The following HSD17B2 variants were observed in gnomAD, a reference collection of about 807,000 sequenced individuals.
The protein encoded by HSD17B2 is 17-beta-hydroxysteroid dehydrogenase type 2.
In HSD17B2, 32 loss-of-function variants were observed where a neutral mutation model predicts 26.9. That is an observed-to-expected ratio of 1.19 (90% confidence interval 0.90 to 1.60). The LOEUF (loss-of-function observed/expected upper bound fraction) is 1.60. Ranked by LOEUF, HSD17B2 falls within the 40% of genes most tolerant of loss-of-function variation. The pLI, the probability that HSD17B2 is intolerant of heterozygous loss-of-function variation, is 0.00. For missense variants in HSD17B2, 613 were observed against 468.6 expected (o/e 1.31, Z -2.85); for synonymous variants, 246 against 186.7 (o/e 1.32, Z -2.59).
intron 1 of HSD17B2, among the ~76,000 whole-genome samples, chr16:82,063,978 G>A (rs907920887): frequency 2.0e-5 from 3 of 152,206 alleles, no homozygotes; most frequent in African/African-American, 4.8e-5. Flanking sequence ...GGGCACCTAT[G>A]AGTCTCATCT....
chr16:82,071,185 G>C (rs1406328439), intron 3 of HSD17B2, 58 bp downstream of exon 3: 1 of 1,542,966 alleles, frequency 6.5e-7, no homozygotes, highest in African/African-American at 1.4e-5. Context: ...ATGGCTCATG[G>C]CATTCTATGT....
chr16:82,090,400 C>A (rs946133673), intron 3 of HSD17B2, among the ~76,000 whole-genome samples: 4 of 138,568 alleles, frequency 2.9e-5, no homozygotes, highest in South Asian at 2.4e-4. Context: ...TCACTACAAC[C>A]TCTGCCCCCT....
intron 1 of HSD17B2, among the ~76,000 whole-genome samples, chr16:82,057,150 G>A (rs931310425): frequency 2.0e-4 from 30 of 151,866 alleles, no homozygotes; most frequent in Non-Finnish European, 4.4e-4. Flanking sequence ...AATGTATAGA[G>A]CTATTCCACC....
intron 1 of HSD17B2, among the ~76,000 whole-genome samples, chr16:82,066,337 G>T (rs140328450): frequency 7.1e-4 from 108 of 152,236 alleles, no homozygotes; most frequent in South Asian, 2.7e-3. Flanking sequence ...AACCAGAGGC[G>T]TTCATCTCAT....
At chr16:82,062,703 A>C (rs1914473556) in intron 1 of HSD17B2, among the ~76,000 whole-genome samples, 1 of 152,266 alleles carries the variant, frequency 6.6e-6, no homozygotes, top group South Asian at 2.1e-4. Flanking sequence ...CATGTGAACT[A>C]GCTGGAACTT....
chr16:82,066,744 T>C (rs1914581903), intron 1 of HSD17B2, among the ~76,000 whole-genome samples: 1 of 152,116 alleles, frequency 6.6e-6, no homozygotes, highest in Non-Finnish European at 1.5e-5. Context: ...TAATTATTAT[T>C]ATACTGCAAA....
chr16:82,071,268 G>T, intron 3 of HSD17B2, 141 bp downstream of exon 3: 1 of 778,728 alleles, frequency 1.3e-6, no homozygotes, highest in Non-Finnish European at 2.3e-6. Context: ...TACCCTGTTG[G>T]TCTTATCACA....
At chr16:82,059,912 T>C (rs1181067993) in intron 1 of HSD17B2, among the ~76,000 whole-genome samples, 1 of 152,098 alleles carries the variant, frequency 6.6e-6, no homozygotes, top group Non-Finnish European at 1.5e-5. Context: ...AATGCATTTG[T>C]TTCCATTAAA....
chr16:82,082,105 C>G (rs561573466), intron 3 of HSD17B2, among the ~76,000 whole-genome samples: 1 of 152,298 alleles, frequency 6.6e-6, no homozygotes, highest in Admixed American at 6.5e-5. Context: ...CTTGCAGCCT[C>G]TACTTCTTGG....
At chr16:82,043,791 T>G (rs534516125) in intron 1 of HSD17B2, among the ~76,000 whole-genome samples, 1 of 149,730 alleles carries the variant, frequency 6.7e-6, no homozygotes, top group South Asian at 2.2e-4. Context: ...TCCCATTTCA[T>G]CCACTGGGGT....
intron 1 of HSD17B2, among the ~76,000 whole-genome samples, chr16:82,042,337 C>T (rs779602287): frequency 2.4e-4 from 37 of 151,968 alleles, no homozygotes; most frequent in Non-Finnish European, 4.7e-4. Context: ...GCGTGAGCCA[C>T]CACGCCCAGC....
At chr16:82,081,501 G>C (rs572302889) in intron 3 of HSD17B2, among the ~76,000 whole-genome samples, 1 of 152,236 alleles carries the variant, frequency 6.6e-6, no homozygotes, top group South Asian at 2.1e-4. Context: ...TCACTGCCTG[G>C]TTGGGTGACA....
intron 2 of HSD17B2, chr16:82,070,665 T>C: frequency 2.2e-6 from 1 of 445,148 alleles, no homozygotes. Flanking sequence ...AACCCTTAAT[T>C]TGCAATACCT....
In HSD17B2 at chr16:82,061,456, G is replaced by A. The variant is rs146002419; in HGVS notation, c.266-6714G>A. Among the ~76,000 whole-genome samples the A allele has an allele frequency of 1.6e-4, 25 of 152,296 alleles. No individual in the cohort carries two copies. The East Asian group carries it at 3.9e-3, about 23-fold the overall frequency. On this transcript the variant is annotated intron_variant, in intron 1 of 4. Transcript: ENST00000199936. ...GTTAAGTGACAGCCAAAGTCACACA[G>A]CTGTTAAGTGACAGAGCTGGGATTT...
intron 1 of HSD17B2, chr16:82,056,597 T>C (rs1567582343): frequency 1.3e-5 from 2 of 152,216 alleles, no homozygotes; most frequent in Non-Finnish European, 2.9e-5. Context: ...ACAAGGGAGA[T>C]CTCTGGTGAG....
chr16:82,043,417 G>A lies in HSD17B2; in HGVS notation c.265+7728G>A, dbSNP rs1014024474. Among the ~76,000 whole-genome samples, 3 of 124,356 alleles carry A rather than the reference G, an allele frequency of 2.4e-5. 1 individual carries two copies. Among genetic ancestry groups the A allele is most frequent in the African/African-American group, 1.3e-4 (2 of 15,778 alleles). 81.6% of individuals were successfully genotyped at this position (124,356 alleles called of 152,430 possible). A position where few individuals can be genotyped will look rare whatever the true frequency, so the allele number is the denominator to read the frequency against. ...ATCATATAGATGGCCGGGCGCGGTGGCTCATGCCTGTAATCCCAGCACTTT... is the reference window on the plus strand; with the variant it reads ...ATCATATAGATGGCCGGGCGCGGTGACTCATGCCTGTAATCCCAGCACTTT... On this transcript the variant is annotated intron_variant, in intron 1 of 4. Coordinates refer to ENST00000199936, the MANE Select transcript of HSD17B2 (RefSeq NM_002153.3).
At chr16:82,052,742 C>G (rs1303318293) in intron 1 of HSD17B2, among the ~76,000 whole-genome samples, 1 of 152,218 alleles carries the variant, frequency 6.6e-6, no homozygotes, top group Non-Finnish European at 1.5e-5. Context: ...GGGCAGTCTA[C>G]TGAAGATCAC....
chr16:82,076,111 C>T (rs1041315282), intron 3 of HSD17B2, among the ~76,000 whole-genome samples: 1 of 151,998 alleles, frequency 6.6e-6, no homozygotes, highest in Non-Finnish European at 1.5e-5. Flanking sequence ...ATAATCTCAA[C>T]AGAATGAAGG....
Position 82,035,619 on chromosome 16 carries a change from C to A in HSD17B2, c.195C>A (p.Cys65Ter). 1.2e-6 allele frequency: 2 copies of A among 1,613,940 alleles called. No homozygotes were observed. The highest frequency in any genetic ancestry group is 1.7e-6 in the Non-Finnish European group (2 of 1,180,018). Residue 65 changes from cysteine (C) to a stop codon, truncating the protein, a stop_gained, in exon 1 of 5, where the codon TGC becomes TGA. Transcript: ENST00000199936. LOFTEE classifies it high-confidence loss of function. Reference sequence around the variant, plus strand: ...GCTTGATCCTCTTCTCGGTGTCATGCTTCCTCATGTATACTTACTTATCTG... The same window carrying A: ...GCTTGATCCTCTTCTCGGTGTCATGATTCCTCATGTATACTTACTTATCTG... ...FWGLILFSVS[C>*]FLMYTYLSGQ... is the part of the protein sequence containing the mutation.
Sources: gnomAD v4.1 joint callset for allele counts (sites outside exome capture counted in the v4.1 genomes callset) on GRCh38, gnomAD v4.1.1 for gene constraint, MANE v1.5 for transcripts, NCBI Gene and HGNC (gene_info 2026-07-23, HGNC 2026-07-21) for gene names.